The following UNC13C variants were observed in gnomAD, a reference collection of about 807,000 sequenced individuals.
UNC13C encodes the protein unc-13 homolog C.
Under a neutral mutation model 245.4 loss-of-function variants are expected in UNC13C, and 174 were observed. That is an observed-to-expected ratio of 0.71 (90% CI 0.63 to 0.80). The LOEUF (loss-of-function observed/expected upper bound fraction) is 0.80. UNC13C is among the 30% of genes least tolerant of loss of function. The pLI is 0.00. For missense variants in UNC13C, 2,829 were observed against 2,602.9 expected, an observed-to-expected ratio of 1.09 and a Z score of -1.89; for synonymous variants, 992 against 895.1, an observed-to-expected ratio of 1.11 and a Z score of -1.93.
intron 19 of UNC13C, among the ~76,000 whole-genome samples, chr15:54,457,818 AAC>A (rs1481884753): frequency 6.7e-6 from 1 of 149,926 alleles, no homozygotes; most frequent in Non-Finnish European, 1.5e-5. Context: ...TATCTTTTTA[AAC>A]AACCAGGTTT....
At chr15:54,266,016 G>T (rs961523311) in intron 10 of UNC13C, among the ~76,000 whole-genome samples, 2 of 151,906 alleles carry the variant, frequency 1.3e-5, no homozygotes, top group Non-Finnish European at 2.9e-5. Flanking sequence ...TTACTGAAAA[G>T]CAGAAACTCA....
chr15:54,521,097 T>G (rs542739047), intron 24 of UNC13C, among the ~76,000 whole-genome samples: 2 of 152,152 alleles, frequency 1.3e-5, no homozygotes, highest in African/African-American at 4.8e-5. Flanking sequence ...GAACCAAGAG[T>G]GCAAGTTAAA....
At chr15:54,114,573 C>G (rs192045370) in intron 2 of UNC13C, among the ~76,000 whole-genome samples, 28 of 152,254 alleles carry the variant, frequency 1.8e-4, no homozygotes, top group African/African-American at 6.7e-4. Context: ...ATAAACATAG[C>G]AAAACTTATC....
intron 4 of UNC13C, among the ~76,000 whole-genome samples, chr15:54,202,771 A>T (rs1248634776): frequency 1.3e-5 from 2 of 152,024 alleles, no homozygotes; most frequent in Admixed American, 1.3e-4. Context: ...AGATTTCATG[A>T]CCAAGAATCC....
chr15:53,847,460 G>T, the UNC13C span, among the ~76,000 whole-genome samples: 1 of 151,090 alleles, frequency 6.6e-6, no homozygotes, highest in Admixed American at 6.6e-5. Context: ...AGGTTCAAGT[G>T]ATTCTCCTGC....
At chr15:54,522,295 AC>A (rs1266249054) in intron 24 of UNC13C, among the ~76,000 whole-genome samples, 1 of 145,116 alleles carries the variant, frequency 6.9e-6, no homozygotes, top group African/African-American at 2.6e-5. Context: ...ACATGGTGAA[AC>A]CCCATCTCTA....
At chr15:54,300,150 T>G in intron 12 of UNC13C, 60 bp from the exon 13 acceptor site, 4 of 1,497,726 alleles carry the variant, frequency 2.7e-6, no homozygotes, top group Non-Finnish European at 3.6e-6. Flanking sequence ...GAAGTTTTAG[T>G]TAAATGTTTC....
chr15:54,594,253 G>A (rs943943215), intron 30 of UNC13C, among the ~76,000 whole-genome samples: 28 of 152,130 alleles, frequency 1.8e-4, no homozygotes, highest in African/African-American at 6.5e-4. Flanking sequence ...GGACTCCATG[G>A]GGGCTCTTAG....
chr15:54,215,930 T>C (rs1192191477), intron 4 of UNC13C, among the ~76,000 whole-genome samples: 2 of 152,020 alleles, frequency 1.3e-5, no homozygotes, highest in African/African-American at 4.8e-5. Context: ...AGCCATTTTG[T>C]CCAACATAAA....
intron 18 of UNC13C, among the ~76,000 whole-genome samples, chr15:54,397,080 T>G (rs1034996013): frequency 2.0e-5 from 3 of 151,472 alleles, no homozygotes; most frequent in African/African-American, 7.2e-5. Flanking sequence ...AGTTTAAGCT[T>G]TTAAAAAAAT....
chr15:53,875,309 C>A, the UNC13C span, among the ~76,000 whole-genome samples: 1 of 152,122 alleles, frequency 6.6e-6, no homozygotes, highest in Admixed American at 6.6e-5. Context: ...AGTGTAGCAT[C>A]TCAGCAGGTT....
chr15:54,003,482 C>T (rs972740590), intron 1 of UNC13C, among the ~76,000 whole-genome samples: 4 of 152,276 alleles, frequency 2.6e-5, no homozygotes, highest in Middle Eastern at 6.8e-3. Flanking sequence ...GGAATACCCT[C>T]TTACCTGTCC....
At chr15:54,538,131 AGC>A (rs1896067018) in intron 26 of UNC13C, among the ~76,000 whole-genome samples, 1 of 133,732 alleles carries the variant, frequency 7.5e-6, no homozygotes, top group Admixed American at 7.4e-5. Flanking sequence ...TACATTAACA[AGC>A]AAAAAAAAAA....
At chr15:54,201,615 C>A (rs1315866525) in intron 4 of UNC13C, among the ~76,000 whole-genome samples, 1 of 151,852 alleles carries the variant, frequency 6.6e-6, no homozygotes, top group African/African-American at 2.4e-5. Flanking sequence ...AATCTAGGAT[C>A]ATTTTATGAT....
At chr15:54,031,056 G>A (rs1234199573) in intron 2 of UNC13C, among the ~76,000 whole-genome samples, 1 of 152,006 alleles carries the variant, frequency 6.6e-6, no homozygotes. Flanking sequence ...GTATCTAGTA[G>A]CTCATTGGTC....
intron 3 of UNC13C, 114 bp downstream of exon 3, chr15:54,143,154 T>C (rs2032101419): frequency 5.0e-6 from 5 of 990,652 alleles, no homozygotes; most frequent in Non-Finnish European, 7.8e-6. Flanking sequence ...ATGTGCATGT[T>C]ATCCCAGCTT....
chr15:54,192,117 G>A (rs2034205368), intron 4 of UNC13C, among the ~76,000 whole-genome samples: 1 of 152,094 alleles, frequency 6.6e-6, no homozygotes, highest in Admixed American at 6.6e-5. Flanking sequence ...CTTTGCCCAT[G>A]CCTATGTCCT....
chr15:54,426,853 G>A (rs1392413957), intron 19 of UNC13C, among the ~76,000 whole-genome samples: 2 of 151,758 alleles, frequency 1.3e-5, no homozygotes, highest in African/African-American at 4.8e-5. Context: ...TAAATTAGGT[G>A]CTACGTGTAA....
chr15:54,571,223 C>G (rs1851001), intron 30 of UNC13C, among the ~76,000 whole-genome samples: 1 of 152,020 alleles, frequency 6.6e-6, no homozygotes, highest in Non-Finnish European at 1.5e-5. Flanking sequence ...AATGGACTCA[C>G]AGTTCAGCAT....
Sources: allele counts gnomAD v4.1 joint callset (sites outside exome capture counted in the v4.1 genomes callset), GRCh38; gene constraint gnomAD v4.1.1; transcripts MANE v1.5; gene names NCBI Gene and HGNC (gene_info 2026-07-23, HGNC 2026-07-21).